C3orf22: variants seen among roughly 807,000 people sequenced by gnomAD.
C3orf22 encodes the protein chromosome 3 open reading frame 22, also known as uncharacterized protein C3orf22.
C3orf22 carries 7 observed loss-of-function variants against 10.8 expected under a neutral mutation model. The ratio of observed to expected loss-of-function variants is 0.65; its 90% confidence interval spans 0.37 to 1.22. The LOEUF is 1.22. Ranked by LOEUF, C3orf22 falls within the 50% of genes most tolerant of loss-of-function variation. The pLI is 0.02. For missense variants in C3orf22, 173 were observed against 177.0 expected (o/e 0.98, Z 0.13); for synonymous variants, 79 against 78.9 (o/e 1.00, Z 0.00).
intron 1 of C3orf22, among the ~76,000 whole-genome samples, chr3:126,554,821 G>A (rs367980412): frequency 3.2e-4 from 49 of 152,302 alleles, no homozygotes; most frequent in African/African-American, 1.2e-3. Flanking sequence ...GTGAAGCCCT[G>A]GTCAGGGAGT....
chr3:126,536,498 G>C (rs1306494508), intron 4 of C3orf22: 2 of 619,096 alleles, frequency 3.2e-6, no homozygotes, highest in East Asian at 2.9e-5. Context: ...CTTTGTCAGA[G>C]AGCAGTGACA....
chr3:126,553,528 C>T (rs917965335), intron 1 of C3orf22, 98 bp from the exon 2 acceptor site: 8 of 751,266 alleles, frequency 1.1e-5, no homozygotes, highest in African/African-American at 1.0e-4. Context: ...CTGCGGGCCG[C>T]CAAATGACCT....
chr3:126,542,284 C>T, intron 4 of C3orf22: 2 of 1,565,780 alleles, frequency 1.3e-6, no homozygotes, highest in Non-Finnish European at 1.7e-6. Flanking sequence ...AGCCCTTCAA[C>T]GAGCACTGGG....
At chr3:126,556,837 A>ACG (rs1937349118) in intron 1 of C3orf22, among the ~76,000 whole-genome samples, 1 of 147,756 alleles carries the variant, frequency 6.8e-6, no homozygotes, top group African/African-American at 2.5e-5. Flanking sequence ...ACACACTCAC[A>ACG]CACAGACACC....
At chr3:126,548,187 G>A (rs1937099720), downstream of C3orf22, among the ~76,000 whole-genome samples, 1 of 152,202 alleles carries the variant, frequency 6.6e-6, no homozygotes, top group Non-Finnish European at 1.5e-5. Context: ...TAGAGACGGG[G>A]TTTCACCATG....
chr3:126,551,687 C>G (rs1166306670), intron 3 of C3orf22, among the ~76,000 whole-genome samples: 1 of 152,202 alleles, frequency 6.6e-6, no homozygotes, highest in Non-Finnish European at 1.5e-5. Flanking sequence ...TGCTGCTCTC[C>G]CATGTGGAGG....
At chr3:126,541,077 G>A (rs1301874508) in intron 4 of C3orf22, among the ~76,000 whole-genome samples, 3 of 152,182 alleles carry the variant, frequency 2.0e-5, no homozygotes, top group African/African-American at 4.8e-5. Flanking sequence ...CTGAGGCTGC[G>A]AGGGGCTCCG....
chr3:126,548,673 G>A (rs773082800), downstream of C3orf22, among the ~76,000 whole-genome samples: 2 of 152,204 alleles, frequency 1.3e-5, no homozygotes, highest in Non-Finnish European at 2.9e-5. Context: ...CACCTGGGGA[G>A]GGAGCCTGGA....
At chr3:126,557,623 A>G (rs1011106252) in intron 1 of C3orf22, among the ~76,000 whole-genome samples, 5 of 152,190 alleles carry the variant, frequency 3.3e-5, no homozygotes, top group African/African-American at 1.2e-4. Context: ...GACCATGGCC[A>G]TGGCATGGGA....
chr3:126,551,469 C>G (rs951227064), intron 3 of C3orf22, among the ~76,000 whole-genome samples: 3 of 152,220 alleles, frequency 2.0e-5, no homozygotes, highest in Non-Finnish European at 4.4e-5. Flanking sequence ...TGAGGGTCTG[C>G]TTTTCCGTGG....
At chr3:126,536,454 C>A in intron 4 of C3orf22, 2 of 867,620 alleles carry the variant, frequency 2.3e-6, no homozygotes, top group Non-Finnish European at 3.7e-6. Flanking sequence ...GGACCCCACA[C>A]TGGGGCACAG....
chr3:126,556,930 ATACACACT>A (rs1180810232), intron 1 of C3orf22, among the ~76,000 whole-genome samples: 15 of 60,260 alleles, frequency 2.5e-4, no homozygotes, highest in Admixed American at 4.9e-4. Flanking sequence ...ACACAGACAC[ATACACACT>A]CACACACTCA....
intron 4 of C3orf22, among the ~76,000 whole-genome samples, chr3:126,540,087 C>A (rs1936925123): frequency 1.3e-5 from 2 of 151,200 alleles, no homozygotes; most frequent in South Asian, 4.2e-4. Flanking sequence ...CACGCGTGCA[C>A]CACACACGCA....
At chr3:126,557,990 C>CAT (rs2107588231) in intron 1 of C3orf22, among the ~76,000 whole-genome samples, 1 of 7,094 alleles carries the variant, frequency 1.4e-4, no homozygotes, top group Non-Finnish European at 4.9e-4. Context: ...GGCCCCAGCT[C>CAT]AGCCCCTTCC....
intron 1 of C3orf22, among the ~76,000 whole-genome samples, chr3:126,555,250 G>C (rs758531586): frequency 6.6e-6 from 1 of 152,244 alleles, no homozygotes; most frequent in Non-Finnish European, 1.5e-5. Context: ...CCTGATGCGT[G>C]CTTCCCTGGC....
intron 4 of C3orf22, among the ~76,000 whole-genome samples, chr3:126,534,629 T>G (rs1301743219): frequency 2.0e-5 from 3 of 150,522 alleles, no homozygotes; most frequent in Non-Finnish European, 4.4e-5. Flanking sequence ...ACAGACAGCA[T>G]CCCTGTCCTC....
downstream of C3orf22, among the ~76,000 whole-genome samples, chr3:126,548,642 C>CCCTGCCTGGACCTGGGGTCCCA (rs1937110025): frequency 6.6e-6 from 1 of 152,184 alleles, no homozygotes; most frequent in Non-Finnish European, 1.5e-5. Flanking sequence ...GCTGTGAGTC[C>CCCTGCCTGGACCTGGGGTCCCA]CCTGCCTGGA....
chr3:126,536,191 C>T, intron 4 of C3orf22: 3 of 1,209,524 alleles, frequency 2.5e-6, no homozygotes, highest in Middle Eastern at 1.9e-4. Flanking sequence ...GTCAAATGTG[C>T]CTAGATGGGT....
chr3:126,551,805 G>T (rs1937193251), intron 3 of C3orf22, among the ~76,000 whole-genome samples, 192 bp downstream of exon 3: 1 of 152,262 alleles, frequency 6.6e-6, no homozygotes, highest in South Asian at 2.1e-4. Context: ...GTGTGCCCTT[G>T]CCTGGATGCT....
Sources: allele counts gnomAD v4.1 joint callset (sites outside exome capture counted in the v4.1 genomes callset), GRCh38; gene constraint gnomAD v4.1.1; transcripts MANE v1.5; gene names NCBI Gene and HGNC (gene_info 2026-07-23, HGNC 2026-07-21).